RAB37: variants seen among roughly 807,000 people sequenced by gnomAD.
The protein encoded by RAB37 is RAB37, member RAS oncogene family, also known as ras-related protein Rab-37.
RAB37 carries 29 observed loss-of-function variants against 33.1 expected under a neutral mutation model. The observed-to-expected ratio is 0.88, with a 90% CI of 0.65 to 1.20. The LOEUF is 1.20. RAB37 is among the 50% of genes most tolerant of loss of function. The pLI is 0.00. For missense variants in RAB37, 299 were observed against 301.1 expected, an observed-to-expected ratio of 0.99 and a Z score of 0.05; for synonymous variants, 128 against 119.5, an observed-to-expected ratio of 1.07 and a Z score of -0.47.
At position 74,742,218 on chromosome 17, in the gene RAB37, T is replaced by A; in HGVS notation, c.205-36T>A. On this transcript the variant is annotated intron_variant, in intron 2 of 8. Transcript: ENST00000392613. The surrounding 1 kb of genome is among the most constrained non-coding windows in gnomAD (Gnocchi z 4.0). Reference sequence around the variant, plus strand: ...CTGCAGAGCTGAGGAGCCACATGACTCCTGCCCTCCCATCCTCTGCCTTTT... The same window carrying A: ...CTGCAGAGCTGAGGAGCCACATGACACCTGCCCTCCCATCCTCTGCCTTTT... 4.3e-6 allele frequency: 7 copies of A among 1,609,964 alleles called. No individual in the cohort carries two copies. Among genetic ancestry groups the A allele is most frequent in the Non-Finnish European group, 5.9e-6 (7 of 1,177,768 alleles).
intron 1 of RAB37, among the ~76,000 whole-genome samples, chr17:74,725,940 A>AT (rs2034300900): frequency 6.6e-6 from 1 of 151,898 alleles, no homozygotes; most frequent in South Asian, 2.1e-4. Context: ...TCTAATGCTG[A>AT]TAAAAAAAAG....
chr17:74,729,171 G>T lies in RAB37; in HGVS notation c.73-85G>T, dbSNP rs995850074. ...TGTTGTGCACATGCGTGCTTAGAAA[G>T]AATCCACTCCCACAGCCACAAGGAC... On this transcript the variant is annotated intron_variant, in intron 1 of 7. Coordinates refer to the RAB37 transcript ENST00000340415. The surrounding 1 kb of genome is among the most constrained non-coding windows in gnomAD (Gnocchi z 4.2). 14 of 892,072 alleles carry T rather than the reference G, an allele frequency of 1.6e-5. No individual in the cohort carries two copies. The highest frequency in any genetic ancestry group is 2.7e-5 in the Non-Finnish European group (14 of 522,658). 55.3% of individuals were successfully genotyped at this position (892,072 alleles called of 1,614,324 possible). A position where few individuals can be genotyped will look rare whatever the true frequency, so the allele number is the denominator to read the frequency against.
chr17:74,706,208 A>G (rs1392597693), intron 1 of RAB37, among the ~76,000 whole-genome samples: 1 of 151,982 alleles, frequency 6.6e-6, no homozygotes, highest in Non-Finnish European at 1.5e-5. Flanking sequence ...AGCATCATGC[A>G]ATATATCCAT....
intron 1 of RAB37, among the ~76,000 whole-genome samples, chr17:74,685,977 G>A (rs1222373497): frequency 6.6e-6 from 1 of 152,198 alleles, no homozygotes; most frequent in Non-Finnish European, 1.5e-5. Context: ...ATCAACCCAA[G>A]TGCAGGGTAA....
At chr17:74,717,502 T>C (rs935175810) in intron 1 of RAB37, among the ~76,000 whole-genome samples, 17 of 152,152 alleles carry the variant, frequency 1.1e-4, no homozygotes, top group Admixed American at 5.2e-4. Flanking sequence ...ATGGGATTAG[T>C]GCCCTTATAA....
rs1165456328 is a variant in RAB37 at position 74,744,933 on chromosome 17, A to C, written c.489+4A>C. The C allele has an allele frequency of 6.2e-7, 1 of 1,614,282 alleles. No individual in the cohort carries two copies. The highest frequency in any genetic ancestry group is 8.5e-7 in the Non-Finnish European group (1 of 1,180,044). Reference sequence around the variant, plus strand: ...AGACGGAGAGACCTTGGCCAGGGTAAGTGATTGTCTGTGGGACAGGGTGAA... The same window carrying C: ...AGACGGAGAGACCTTGGCCAGGGTACGTGATTGTCTGTGGGACAGGGTGAA... On this transcript the variant is annotated splice_donor_region_variant and intron_variant, in intron 7 of 8. Transcript: ENST00000392613. This position sits in a 1 kb window ranked among gnomAD's most constrained non-coding sequence, Gnocchi z 4.2.
chr17:74,695,767 G>C (rs1452296762), intron 1 of RAB37: 5 of 1,614,076 alleles, frequency 3.1e-6, no homozygotes, highest in African/African-American at 1.3e-5. Flanking sequence ...CCTGGGCAGA[G>C]GAAAGCTTCG....
In RAB37 at chr17:74,727,723, A is replaced by G. The variant is rs1338595234; in HGVS notation, c.73-1533A>G. Among the ~76,000 whole-genome samples the G allele has an allele frequency of 3.9e-5, 6 of 152,214 alleles. 1 individual carries two copies. The East Asian group carries it at 1.2e-3, about 29-fold the overall frequency. On this transcript the variant is annotated intron_variant, in intron 1 of 7. Coordinates refer to the RAB37 transcript ENST00000340415. ...TCATGGTCACTTCAGATGCTCATTA[A>G]CTTGGAGGGAGATCTCCTCTGTGCC...
At chr17:74,705,147 G>T (rs1358564430) in intron 1 of RAB37, 8 of 686,382 alleles carry the variant, frequency 1.2e-5, no homozygotes, top group Non-Finnish European at 2.2e-5. Context: ...CCATCTTTGT[G>T]TTAGTCCAGT....
At chr17:74,714,830 G>A (rs1442677115) in intron 1 of RAB37, among the ~76,000 whole-genome samples, 1 of 152,098 alleles carries the variant, frequency 6.6e-6, no homozygotes, top group Non-Finnish European at 1.5e-5. Context: ...GATATAAAAG[G>A]ATTAGGAAGG....
chr17:74,715,220 C>T (rs993477517), intron 1 of RAB37, among the ~76,000 whole-genome samples: 91 of 152,332 alleles, frequency 6.0e-4, no homozygotes, highest in Non-Finnish European at 8.2e-4. Context: ...CACCCTGTGA[C>T]ATCTTGACAA....
chr17:74,699,448 G>T (rs1467657113), intron 1 of RAB37, among the ~76,000 whole-genome samples: 1 of 152,138 alleles, frequency 6.6e-6, no homozygotes, highest in African/African-American at 2.4e-5. Flanking sequence ...GGTCATAGTT[G>T]ATTAGCATGG....
chr17:74,723,193 G>A (rs73361348), intron 1 of RAB37, among the ~76,000 whole-genome samples: 81 of 152,230 alleles, frequency 5.3e-4, no homozygotes, highest in African/African-American at 1.7e-3. Flanking sequence ...GAAAATACTC[G>A]ATGGAAAGGA....
intron 1 of RAB37, chr17:74,672,779 A>G (rs557640418): frequency 6.6e-6 from 1 of 152,380 alleles, no homozygotes; most frequent in East Asian, 1.9e-4. Context: ...ATTACAATAG[A>G]AAGCCCTGAC....
At chr17:74,680,948 A>G (rs984414867) in intron 1 of RAB37, among the ~76,000 whole-genome samples, 6 of 152,134 alleles carry the variant, frequency 3.9e-5, no homozygotes, top group African/African-American at 1.4e-4. Context: ...CCCCACCACC[A>G]CCCCTGTTCA....
chr17:74,712,126 G>T (rs2034009240), intron 1 of RAB37, among the ~76,000 whole-genome samples: 1 of 151,712 alleles, frequency 6.6e-6, no homozygotes, highest in African/African-American at 2.4e-5. Flanking sequence ...TACCCAAGCT[G>T]GTCTCGAATC....
intron 1 of RAB37, among the ~76,000 whole-genome samples, chr17:74,712,374 A>T (rs987040471): frequency 5.9e-5 from 9 of 151,904 alleles, no homozygotes; most frequent in African/African-American, 2.2e-4. Flanking sequence ...AATGCCTAGA[A>T]CCACCACTCC....
At chr17:74,736,160 G>A (rs144028573), upstream of RAB37, among the ~76,000 whole-genome samples, 437 of 152,006 alleles carry the variant, frequency 2.9e-3, 2 homozygotes, top group African/African-American at 9.7e-3. Context: ...TTGCAGTGAG[G>A]CGAGATCGCA....
intron 1 of RAB37, among the ~76,000 whole-genome samples, chr17:74,683,675 G>A (rs1004531722): frequency 1.3e-5 from 2 of 152,214 alleles, no homozygotes; most frequent in African/African-American, 4.8e-5. Context: ...CCCCTGCAAG[G>A]TCTGAGCCTG....
Sources: gnomAD v4.1 joint callset for allele counts (sites outside exome capture counted in the v4.1 genomes callset) on GRCh38, gnomAD v4.1.1 for gene constraint, Gnocchi (gnomAD v3.1) non-coding constraint, MANE v1.5 for transcripts, NCBI Gene and HGNC (gene_info 2026-07-23, HGNC 2026-07-21) for gene names.